CNTN4: variants seen among roughly 807,000 people sequenced by gnomAD.
The protein encoded by CNTN4 is contactin-4.
A neutral mutation model predicts 122.5 loss-of-function variants in CNTN4; 77 were observed. The ratio of observed to expected loss-of-function variants is 0.63; its 90% CI spans 0.52 to 0.76. The LOEUF is 0.76. Among genes scored for constraint, CNTN4 ranks in the 30% least tolerant of loss-of-function variants. The pLI is 0.00. For synonymous variants in CNTN4, 512 were observed against 447.0 expected (o/e 1.15, Z -1.83); for missense variants, 1,256 against 1,259.1 (o/e 1.00, Z 0.04).
At chr3:2,661,514 TA>T (rs11337004) in intron 4 of CNTN4, among the ~76,000 whole-genome samples, 31,939 of 147,614 alleles carry the variant, frequency 0.22, 4,163 homozygotes, top group African/African-American at 0.38. Context: ...AATTTTTGTT[TA>T]AAAAAAAAAA....
chr3:2,673,015 C>A (rs2084624503), intron 4 of CNTN4, among the ~76,000 whole-genome samples: 2 of 152,126 alleles, frequency 1.3e-5, no homozygotes. Flanking sequence ...GTACTACTTA[C>A]CGGTTTCCAA....
intron 10 of CNTN4, among the ~76,000 whole-genome samples, chr3:2,893,595 C>G (rs910307296): frequency 6.6e-6 from 1 of 151,816 alleles, no homozygotes; most frequent in Admixed American, 6.6e-5. Context: ...GCAAACGTTG[C>G]GAATAATAGA....
chr3:2,680,049 G>A (rs575540482), intron 4 of CNTN4, among the ~76,000 whole-genome samples: 8 of 152,236 alleles, frequency 5.3e-5, no homozygotes, highest in South Asian at 4.1e-4. Context: ...TGTTCATTAC[G>A]TTTGCCAGCA....
chr3:2,230,092 A>G (rs2039428570), intron 2 of CNTN4, among the ~76,000 whole-genome samples: 1 of 152,140 alleles, frequency 6.6e-6, no homozygotes, highest in African/African-American at 2.4e-5. Flanking sequence ...CTTGTTTTGA[A>G]AAGATACCAT....
chr3:2,548,173 CTGTAATTAGAT>C (rs762360544), intron 3 of CNTN4, among the ~76,000 whole-genome samples: 4 of 152,032 alleles, frequency 2.6e-5, no homozygotes, highest in Admixed American at 2.0e-4. Context: ...AAGCTCTTTA[CTGTAATTAGAT>C]CCCATTTGTC....
chr3:2,521,343 T>TCCCCCCCCCCCCCCCCCCCCCCCCC (rs5846190), intron 3 of CNTN4, among the ~76,000 whole-genome samples: 1 of 128,308 alleles, frequency 7.8e-6, no homozygotes, highest in African/African-American at 3.1e-5. Context: ...CCTCTACCCA[T>TCCCCCCCCCCCCCCCCCCCCCCCCC]CCCCCCCACC....
chr3:2,767,908 A>G (rs1339318495), intron 6 of CNTN4, among the ~76,000 whole-genome samples: 1 of 152,230 alleles, frequency 6.6e-6, no homozygotes, highest in Non-Finnish European at 1.5e-5. Context: ...AGTGGTTAGA[A>G]GGCAGAATTT....
chr3:2,223,169 A>T (rs1401518892), intron 2 of CNTN4, among the ~76,000 whole-genome samples: 3 of 152,108 alleles, frequency 2.0e-5, no homozygotes, highest in African/African-American at 7.2e-5. Flanking sequence ...ACCAAAGGGG[A>T]ATGGAGAGCC....
chr3:2,807,209 G>A (rs556244804), intron 6 of CNTN4, among the ~76,000 whole-genome samples: 1 of 152,254 alleles, frequency 6.6e-6, no homozygotes, highest in Admixed American at 6.5e-5. Flanking sequence ...CATGAGCAAT[G>A]GCATTTCTAA....
intron 4 of CNTN4, among the ~76,000 whole-genome samples, chr3:2,588,286 T>C (rs2080299290): frequency 6.6e-6 from 1 of 152,152 alleles, no homozygotes; most frequent in African/African-American, 2.4e-5. Flanking sequence ...TGAGACTTTA[T>C]TTTTAGTTTA....
intron 2 of CNTN4, among the ~76,000 whole-genome samples, chr3:2,126,651 T>C (rs1310861029): frequency 6.6e-6 from 1 of 152,146 alleles, no homozygotes; most frequent in African/African-American, 2.4e-5. Context: ...TAATTTGATA[T>C]ACAAAATGGA....
At chr3:3,037,621 C>T (rs754586530) in intron 18 of CNTN4, 33 of 415,836 alleles carry the variant, frequency 7.9e-5, no homozygotes, top group Non-Finnish European at 1.4e-4. Context: ...CACCAAGATT[C>T]TAACAGAATT....
At chr3:2,789,483 A>C (rs926770853) in intron 6 of CNTN4, among the ~76,000 whole-genome samples, 3 of 152,196 alleles carry the variant, frequency 2.0e-5, no homozygotes, top group Admixed American at 6.5e-5. Context: ...CCCAGGCTGG[A>C]GTGCAGTGGC....
chr3:2,322,870 T>C (rs887210289), intron 2 of CNTN4, among the ~76,000 whole-genome samples: 2 of 152,182 alleles, frequency 1.3e-5, no homozygotes, highest in Non-Finnish European at 2.9e-5. Flanking sequence ...AGTTGCTCTT[T>C]TCCTATTTAA....
At chr3:2,932,884 G>A (rs1226015681) in intron 13 of CNTN4, among the ~76,000 whole-genome samples, 2 of 152,108 alleles carry the variant, frequency 1.3e-5, no homozygotes, top group African/African-American at 4.8e-5. Flanking sequence ...GGGCAGTGGC[G>A]CGATCTCGGC....
Position 2,255,633 on chromosome 3 carries a change from C to G in CNTN4, c.-144-83545C>G, listed in dbSNP as rs1453258688. Among the ~76,000 whole-genome samples the G allele has an allele frequency of 2.6e-5, 4 of 152,156 alleles. No individual in the cohort carries two copies. The East Asian group carries it at 7.7e-4, about 29-fold the overall frequency. ...CAAATTAGAACTCAGGATTAAGAAACTCACTCAAAACCGCACAACTACATG... is the reference window on the plus strand; with the variant it reads ...CAAATTAGAACTCAGGATTAAGAAAGTCACTCAAAACCGCACAACTACATG... On this transcript the variant is annotated intron_variant, in intron 2 of 24. Coordinates refer to ENST00000418658, the MANE Select transcript of CNTN4 (RefSeq NM_175607.3).
intron 12 of CNTN4, among the ~76,000 whole-genome samples, chr3:2,919,576 T>C (rs954967133): frequency 1.6e-4 from 25 of 152,292 alleles, no homozygotes; most frequent in African/African-American, 6.0e-4. Context: ...TCTAGGGTTC[T>C]CACTATCATA....
intron 4 of CNTN4, among the ~76,000 whole-genome samples, chr3:2,643,886 C>A (rs773826990): frequency 3.9e-5 from 6 of 152,142 alleles, no homozygotes; most frequent in Admixed American, 6.5e-5. Context: ...TCTCTGGCAG[C>A]TGCTTCCTCC....
chr3:3,029,371 G>C (rs1698985231), intron 15 of CNTN4, among the ~76,000 whole-genome samples: 1 of 152,104 alleles, frequency 6.6e-6, no homozygotes, highest in South Asian at 2.1e-4. Flanking sequence ...CTAGCATGAA[G>C]GTCAATAAAG....
Sources: gnomAD v4.1 joint callset for allele counts (sites outside exome capture counted in the v4.1 genomes callset) on GRCh38, gnomAD v4.1.1 for gene constraint, MANE v1.5 for transcripts, NCBI Gene and HGNC (gene_info 2026-07-23, HGNC 2026-07-21) for gene names.